The following NOTCH2 variants were observed in gnomAD, a reference collection of about 807,000 sequenced individuals.
The protein encoded by NOTCH2 is notch receptor 2, also known as neurogenic locus notch homolog protein 2.
A neutral mutation model predicts 235.8 loss-of-function variants in NOTCH2; 29 were observed. That is an observed-to-expected ratio of 0.12 (90% CI 0.09 to 0.17). The LOEUF is 0.17. Ranked by LOEUF, NOTCH2 falls within the 10% of genes least tolerant of loss-of-function variation. The pLI is 1.00. For missense variants in NOTCH2, 2,285 were observed against 3,150.2 expected (o/e 0.73, Z 6.57); for synonymous variants, 1,086 against 1,141.5 (o/e 0.95, Z 0.98).
chr1:119,988,902 T>C (rs1278737952), intron 4 of NOTCH2, among the ~76,000 whole-genome samples: 1 of 152,202 alleles, frequency 6.6e-6, no homozygotes, highest in African/African-American at 2.4e-5. Flanking sequence ...TATTAGCCAA[T>C]GTTACAACTA....
intron 5 of NOTCH2, among the ~76,000 whole-genome samples, chr1:119,980,963 T>C (rs1651791174): frequency 6.6e-6 from 1 of 152,134 alleles, no homozygotes; most frequent in Admixed American, 6.6e-5. Flanking sequence ...TCGTCAATTT[T>C]CTGAAGTGTG....
chr1:119,913,333 C>A lies in NOTCH2; in HGVS notation c.*1973G>T, dbSNP rs983251747. 1 of 233,184 alleles carries A rather than the reference C, an allele frequency of 4.3e-6. No homozygotes were observed. Among genetic ancestry groups the A allele is most frequent in the African/African-American group, 2.2e-5 (1 of 45,422 alleles). 14.4% of individuals were successfully genotyped at this position (233,184 alleles called of 1,614,324 possible). A position where few individuals can be genotyped will look rare whatever the true frequency, so the allele number is the denominator to read the frequency against. On this transcript the variant is annotated 3_prime_UTR_variant, in exon 34 of 34. Coordinates refer to ENST00000256646, the MANE Select transcript of NOTCH2 (RefSeq NM_024408.4). ...TTGTAAACTATTATGCCAACAGACA[C>A]GCAGGGTTTCCATATGGGGCCACCG... is the stretch of plus-strand genomic sequence containing the variant.
chr1:119,935,361 A>G (rs1453798137), intron 22 of NOTCH2, 111 bp downstream of exon 22: 2 of 1,609,234 alleles, frequency 1.2e-6, no homozygotes, highest in African/African-American at 2.7e-5. Context: ...AATGCTTGGA[A>G]TGAAGCTAGT....
chr1:120,047,828 G>T (rs1357494056), intron 1 of NOTCH2, among the ~76,000 whole-genome samples: 1 of 124,170 alleles, frequency 8.1e-6, no homozygotes, highest in Non-Finnish European at 1.6e-5. Flanking sequence ...GCAATGGCGT[G>T]ATCTCAGCTC....
intron 11 of NOTCH2, among the ~76,000 whole-genome samples, chr1:119,963,136 G>A (rs1238163274): frequency 2.7e-5 from 4 of 146,994 alleles, no homozygotes; most frequent in Admixed American, 6.9e-5. Flanking sequence ...CTGTGAAAGA[G>A]AAAATACATT....
At chr1:119,935,234 T>C in intron 22 of NOTCH2, 1 of 1,413,142 alleles carries the variant, frequency 7.1e-7, no homozygotes. Flanking sequence ...ATATTCTGTG[T>C]TTCATGGAAT....
At chr1:120,007,023 T>TA (rs1386436849) in intron 2 of NOTCH2, among the ~76,000 whole-genome samples, 2 of 152,208 alleles carry the variant, frequency 1.3e-5, no homozygotes, top group South Asian at 4.1e-4. Context: ...TGAATAGCTA[T>TA]AGTGGTAGTG....
chr1:119,950,322 A>G, intron 15 of NOTCH2: 1 of 364,490 alleles, frequency 2.7e-6, no homozygotes, highest in Non-Finnish European at 5.4e-6. Context: ...TGAGGAATAC[A>G]TTAAATAATC....
chr1:119,971,126 T>C (rs1405729692), intron 5 of NOTCH2, among the ~76,000 whole-genome samples: 1 of 152,220 alleles, frequency 6.6e-6, no homozygotes, highest in Non-Finnish European at 1.5e-5. Context: ...CTATCTAACA[T>C]GTACCTCCAT....
At chr1:120,048,359 C>T (rs78124064) in intron 1 of NOTCH2, among the ~76,000 whole-genome samples, 3 of 136,796 alleles carry the variant, frequency 2.2e-5, no homozygotes, top group Non-Finnish European at 4.5e-5. Flanking sequence ...ATGACCCATT[C>T]GTGGTCATGA....
rs782760871 is a variant in NOTCH2, at chr1:119,937,337, T to A, written c.3467A>T (p.Asn1156Ile). The A allele has an allele frequency of 6.2e-7, 1 of 1,614,068 alleles. No individual in the cohort carries two copies. Among genetic ancestry groups the A allele is most frequent in the Admixed American group, 1.7e-5 (1 of 60,028 alleles). The change falls in exon 21 of 34, where the codon AAC becomes ATC. Residue 1156 changes from asparagine (N) to isoleucine (I), a missense_variant. Asn to Ile is a moderately radical substitution (Grantham distance 149). Coordinates refer to ENST00000256646, the MANE Select transcript of NOTCH2 (RefSeq NM_024408.4). ...GCATGTTGCCCCGTGCTGGCAGGGG[T>A]TGGACGCACACTCATCGAGTTGCTC... ...CEEQLDECAS[N>I]PCQHGATCSD...
intron 24 of NOTCH2, 88 bp downstream of exon 24, chr1:119,926,411 T>C (rs977646270): frequency 1.1e-5 from 11 of 1,033,184 alleles, no homozygotes; most frequent in Non-Finnish European, 1.6e-5. Context: ...ATTTCGAAGA[T>C]TGGTAAAACC....
At chr1:120,027,538 C>T (rs1274433430) in intron 2 of NOTCH2, among the ~76,000 whole-genome samples, 4 of 150,194 alleles carry the variant, frequency 2.7e-5, no homozygotes, top group African/African-American at 9.9e-5. Flanking sequence ...ATACATGTGC[C>T]ATGGTGGTTT....
At chr1:119,988,039 T>C (rs1652088278) in intron 4 of NOTCH2, among the ~76,000 whole-genome samples, 1 of 152,176 alleles carries the variant, frequency 6.6e-6, no homozygotes, top group Non-Finnish European at 1.5e-5. Flanking sequence ...ATTTGAAATA[T>C]AGTATGATTA....
chr1:119,935,225 T>C lies in NOTCH2; in HGVS notation c.3655+247A>G, dbSNP rs1649805116. 2.9e-5 allele frequency: 40 copies of C among 1,393,614 alleles called. No individual in the cohort carries two copies. In the South Asian group the frequency reaches 5.1e-4, roughly 18 times the overall value. 86.3% of individuals were successfully genotyped at this position (1,393,614 alleles called of 1,614,324 possible). A position where few individuals can be genotyped will look rare whatever the true frequency, so the allele number is the denominator to read the frequency against. ...TTATGCTAATGTTGTATCCCTTCCA[T>C]ATTCTGTGTTTCATGGAATATCAAG... On this transcript the variant is annotated intron_variant, in intron 22 of 33. Transcript: ENST00000256646.
At position 120,028,991 on chromosome 1, in the gene NOTCH2, A is replaced by T. The variant is rs1653983577; in HGVS notation, c.155+915T>A. ...CTCAAACAAACAAAACGTCTTGGCT[A>T]GAGTAGATGGTTGGAGAAAAAGGAA... On this transcript the variant is annotated intron_variant, in intron 2 of 33. Coordinates refer to ENST00000256646, the MANE Select transcript of NOTCH2 (RefSeq NM_024408.4). Among the ~76,000 whole-genome samples the T allele has an allele frequency of 2.0e-5, 3 of 151,758 alleles. No individual in the cohort carries two copies. The South Asian group carries it at 6.2e-4, about 32-fold the overall frequency.
rs1553195952 is a variant in NOTCH2 at position 119,937,837 on chromosome 1, C to T, written c.3337+20G>A. On this transcript the variant is annotated intron_variant, in intron 20 of 33. Coordinates refer to ENST00000256646, the MANE Select transcript of NOTCH2 (RefSeq NM_024408.4). ...TCAATACTGCAGTGAATGACCTGAG[C>T]CCAAGGGAGCAAAGCTTACCTCTCC... is the stretch of plus-strand genomic sequence containing the variant. The T allele has an allele frequency of 6.2e-7, 1 of 1,613,976 alleles. No individual in the cohort carries two copies. The highest frequency in any genetic ancestry group is 2.2e-5 in the East Asian group (1 of 44,878).
At chr1:119,935,247 C>G (rs1649806585) in intron 22 of NOTCH2, 1 of 1,439,672 alleles carries the variant, frequency 6.9e-7, no homozygotes, top group African/African-American at 1.4e-5. Context: ...CATGGAATAT[C>G]AAGATGCCAA....
chr1:119,999,835 CTGCGCCACTGT>C (rs1425548577), intron 3 of NOTCH2, among the ~76,000 whole-genome samples: 1 of 150,418 alleles, frequency 6.6e-6, no homozygotes, highest in Non-Finnish European at 1.5e-5. Flanking sequence ...TGAGCCGAGA[CTGCGCCACTGT>C]ACTAAGCAAC....
Sources: gnomAD v4.1 joint callset for allele counts (sites outside exome capture counted in the v4.1 genomes callset) on GRCh38, gnomAD v4.1.1 for gene constraint, MANE v1.5 for transcripts, NCBI Gene and HGNC (gene_info 2026-07-23, HGNC 2026-07-21) for gene names.